BMP1: variants seen among roughly 807,000 people sequenced by gnomAD.
BMP1 encodes the protein bone morphogenetic protein 1.
BMP1 carries 63 observed loss-of-function variants against 116.8 expected under a neutral mutation model. That is an observed-to-expected ratio of 0.54 (90% CI 0.44 to 0.67). BMP1 has a LOEUF of 0.67. BMP1 is among the 30% of genes least tolerant of loss of function. The pLI is 0.00. For missense variants in BMP1, 1,183 were observed against 1,358.9 expected (o/e 0.87, Z 2.04); for synonymous variants, 536 against 533.4 (o/e 1.00, Z -0.07).
chr8:22,211,810 C>A lies in BMP1; in HGVS notation c.*82C>A. 6.3e-7 allele frequency: 1 copy of A among 1,595,774 alleles called. No homozygotes were observed. Among genetic ancestry groups the A allele is most frequent in the Non-Finnish European group, 8.6e-7 (1 of 1,169,570 alleles). On this transcript the variant is annotated 3_prime_UTR_variant, in exon 20 of 20. Coordinates refer to ENST00000306385, the MANE Select transcript of BMP1 (RefSeq NM_006129.5). ...GATAGTGGGGGTGGGCGGAAGGCAACGCACCATCCCTCTCCCCCAGGCCCC... is the reference window on the plus strand; with the variant it reads ...GATAGTGGGGGTGGGCGGAAGGCAAAGCACCATCCCTCTCCCCCAGGCCCC...
At chr8:22,187,039 C>G (rs897786296) in intron 8 of BMP1, among the ~76,000 whole-genome samples, 4 of 152,108 alleles carry the variant, frequency 2.6e-5, no homozygotes, top group Non-Finnish European at 5.9e-5. Context: ...GAGTCTTACT[C>G]TGTTGCCCAG....
chr8:22,188,985 C>T (rs1225585468), intron 8 of BMP1, among the ~76,000 whole-genome samples: 1 of 152,226 alleles, frequency 6.6e-6, no homozygotes, highest in Non-Finnish European at 1.5e-5. Flanking sequence ...TCACTCGGCC[C>T]TCTGCATCCC....
rs200359593 is a variant in BMP1, at chr8:22,194,411, C to G, written c.1298-34C>G. The stretch of plus-strand genomic sequence containing the variant: ...TAGCAGGGCAAAGCATGCTGACTCA[C>G]CACCCCTTCCCACCCCATCCTGTGT... On this transcript the variant is annotated intron_variant, in intron 10 of 19. Transcript: ENST00000306385. This position sits in a 1 kb window ranked among gnomAD's most constrained non-coding sequence, Gnocchi z 4.5. 1.9e-6 allele frequency: 3 copies of G among 1,612,208 alleles called. No homozygotes were observed. The highest frequency in any genetic ancestry group is 2.7e-5 in the African/African-American group (2 of 74,988).
intron 8 of BMP1, among the ~76,000 whole-genome samples, chr8:22,185,874 C>A (rs566426974): frequency 1.6e-5 from 2 of 125,924 alleles, no homozygotes; most frequent in Admixed American, 1.9e-4. Context: ...TTGCTCTTGT[C>A]CCCCAGGCTG....
chr8:22,169,521 C>T (rs1828215911), intron 1 of BMP1: 1 of 152,298 alleles, frequency 6.6e-6, no homozygotes, highest in Admixed American at 6.5e-5. Context: ...GCCTTGTAGG[C>T]AAGCATGTTC....
At chr8:22,183,858 G>A (rs561382905) in intron 8 of BMP1, among the ~76,000 whole-genome samples, 1 of 152,126 alleles carries the variant, frequency 6.6e-6, no homozygotes, top group Non-Finnish European at 1.5e-5. Context: ...TTACAGACGT[G>A]AGCCGCCGCG....
chr8:22,166,416 C>G (rs942785155), intron 1 of BMP1, among the ~76,000 whole-genome samples: 4 of 152,118 alleles, frequency 2.6e-5, no homozygotes, highest in African/African-American at 4.8e-5. Flanking sequence ...CTATGTAACC[C>G]CATCACTCCT....
intron 13 of BMP1, chr8:22,196,388 T>A (rs1021019277): frequency 1.5e-5 from 9 of 588,650 alleles, no homozygotes; most frequent in Non-Finnish European, 2.8e-5. Flanking sequence ...GAGCCCCTTA[T>A]TCCCGCTCAC....
At chr8:22,172,076 G>A (rs534986952) in intron 1 of BMP1, among the ~76,000 whole-genome samples, 2 of 152,326 alleles carry the variant, frequency 1.3e-5, no homozygotes, top group South Asian at 2.1e-4. Flanking sequence ...GTGTGTGTGT[G>A]TTCACCAGTG....
At chr8:22,171,729 T>C (rs1828282752) in intron 1 of BMP1, 1 of 152,228 alleles carries the variant, frequency 6.6e-6, no homozygotes, top group Non-Finnish European at 1.5e-5. Flanking sequence ...AGTTAAGTTG[T>C]TGCTTTTGGG....
At chr8:22,207,217 G>A in intron 17 of BMP1, 86 bp from the exon 18 acceptor site, 1 of 1,468,406 alleles carries the variant, frequency 6.8e-7, no homozygotes, top group Non-Finnish European at 9.4e-7. Context: ...ATGGGTATCT[G>A]TGAGGCCTAG....
intron 15 of BMP1, 88 bp from the exon 16 acceptor site, chr8:22,201,715 A>C: frequency 6.4e-7 from 1 of 1,568,704 alleles, no homozygotes; most frequent in Non-Finnish European, 8.6e-7. Flanking sequence ...CGGTGGGAGA[A>C]AGTCCAGCCA....
intron 16 of BMP1, among the ~76,000 whole-genome samples, chr8:22,203,926 G>A (rs1829307912): frequency 6.6e-6 from 1 of 152,222 alleles, no homozygotes; most frequent in Admixed American, 6.5e-5. Context: ...GCCAGGACAG[G>A]GGTGAAGCTC....
chr8:22,177,755 A>T, intron 5 of BMP1, 97 bp from the exon 6 acceptor site: 1 of 946,080 alleles, frequency 1.1e-6, no homozygotes, highest in Non-Finnish European at 1.7e-6. Flanking sequence ...TCTCAGATAC[A>T]GGAAGGACTC....
At chr8:22,183,708 G>A (rs1040463133) in intron 8 of BMP1, among the ~76,000 whole-genome samples, 1 of 152,070 alleles carries the variant, frequency 6.6e-6, no homozygotes, top group Non-Finnish European at 1.5e-5. Flanking sequence ...CTCCTGAGTA[G>A]CTGGGATTAC....
chr8:22,189,776 A>G (rs1170235491), intron 8 of BMP1, among the ~76,000 whole-genome samples: 4 of 152,098 alleles, frequency 2.6e-5, no homozygotes, highest in Non-Finnish European at 5.9e-5. Flanking sequence ...CACATTTGGT[A>G]ATGAGATGCC....
chr8:22,180,929 C>T (rs773821848), intron 8 of BMP1, among the ~76,000 whole-genome samples: 1 of 152,158 alleles, frequency 6.6e-6, no homozygotes, highest in Non-Finnish European at 1.5e-5. Flanking sequence ...ATGAACTGCT[C>T]AGCCTGACGC....
chr8:22,199,169 A>G (rs138556874), intron 15 of BMP1: 66 of 1,367,202 alleles, frequency 4.8e-5, no homozygotes, highest in Non-Finnish European at 6.1e-5. Flanking sequence ...GTGCACACAC[A>G]TTGCCCCATC....
intron 18 of BMP1, among the ~76,000 whole-genome samples, chr8:22,208,825 C>G (rs1829410865): frequency 6.6e-6 from 1 of 152,190 alleles, no homozygotes. Flanking sequence ...AGTCCCTGAC[C>G]CAGCCCCGTC....
Sources: allele counts gnomAD v4.1 joint callset (sites outside exome capture counted in the v4.1 genomes callset), GRCh38; gene constraint gnomAD v4.1.1; non-coding constraint Gnocchi (gnomAD v3.1); transcripts MANE v1.5; gene names NCBI Gene and HGNC (gene_info 2026-07-23, HGNC 2026-07-21).